Variants in TPO observed in about 807,000 individuals in gnomAD.
The protein encoded by TPO is thyroid peroxidase, also known as thyroid microsomal antigen.
Under a neutral mutation model 96.9 loss-of-function variants are expected in TPO, and 78 were observed. That is an observed-to-expected ratio of 0.81 (90% CI 0.67 to 0.97). TPO has a LOEUF of 0.97. TPO is among the 50% of genes least tolerant of loss of function. TPO has a pLI of 0.00. For synonymous variants in TPO, 547 were observed against 538.0 expected, an observed-to-expected ratio of 1.02 and a Z score of -0.23; for missense variants, 1,252 against 1,274.8, an observed-to-expected ratio of 0.98 and a Z score of 0.27.
intron 8 of TPO, chr2:1,478,089 GA>G: frequency 1.0e-6 from 1 of 985,446 alleles, no homozygotes; most frequent in South Asian, 4.7e-5. Context: ...ACAGTGCAGT[GA>G]ATGAAGAACC....
At chr2:1,387,044 C>T (rs2148351907) in intron 1 of TPO, among the ~76,000 whole-genome samples, 1 of 152,354 alleles carries the variant, frequency 6.6e-6, no homozygotes, top group South Asian at 2.1e-4. Flanking sequence ...TTGGCCCCCA[C>T]TCTCTTCTGG....
chr2:1,455,991 C>A, intron 6 of TPO, 85 bp from the exon 7 acceptor site: 1 of 1,377,340 alleles, frequency 7.3e-7, no homozygotes, highest in Non-Finnish European at 1.0e-6. Context: ...AAGAACCACA[C>A]CAGGAAGTGC....
intron 7 of TPO, among the ~76,000 whole-genome samples, chr2:1,464,009 C>T (rs574820025): frequency 6.6e-6 from 1 of 152,252 alleles, no homozygotes; most frequent in East Asian, 1.9e-4. Context: ...AAGCAGTATA[C>T]ACTGAACACA....
chr2:1,395,939 A>C (rs988841907), intron 1 of TPO, among the ~76,000 whole-genome samples: 4 of 152,364 alleles, frequency 2.6e-5, no homozygotes, highest in Admixed American at 2.0e-4. Flanking sequence ...TGAGTCCATT[A>C]AACCTCTTCC....
rs182587629 is a variant in TPO at position 1,500,574 on chromosome 2, C to T, written c.2387-3374C>T. ...TCTGCGGCTACAGAAAGGAAGGCTA[C>T]GGGCTTAACTGAATATTTGATACAG... On this transcript the variant is annotated intron_variant, in intron 13 of 16. Coordinates refer to ENST00000329066, the MANE Select transcript of TPO (RefSeq NM_001206744.2). Among the ~76,000 whole-genome samples, 216 of 152,294 alleles carry T rather than the reference C, an allele frequency of 1.4e-3. 1 individual carries two copies. Among genetic ancestry groups the T allele is most frequent in the South Asian group, 8.3e-4 (4 of 4,824 alleles).
intron 5 of TPO, chr2:1,439,088 CA>C: frequency 2.1e-6 from 1 of 472,958 alleles, no homozygotes; most frequent in Non-Finnish European, 3.8e-6. Flanking sequence ...TTAACAACCT[CA>C]AGACCAGGGC....
chr2:1,435,669 C>T (rs1294566980), intron 4 of TPO, among the ~76,000 whole-genome samples: 1 of 151,756 alleles, frequency 6.6e-6, no homozygotes, highest in Non-Finnish European at 1.5e-5. Flanking sequence ...CAGAATTAAT[C>T]CAAAAAAAAG....
At chr2:1,438,248 GATTTT>G in intron 5 of TPO, among the ~76,000 whole-genome samples, 1 of 152,192 alleles carries the variant, frequency 6.6e-6, no homozygotes, top group Admixed American at 6.5e-5. Context: ...TCATACTTCT[GATTTT>G]ATTAAAGAAA....
intron 1 of TPO, among the ~76,000 whole-genome samples, chr2:1,383,990 C>A (rs1661849993): frequency 1.3e-5 from 2 of 152,260 alleles, no homozygotes; most frequent in South Asian, 4.2e-4. Flanking sequence ...TTCCCCATTT[C>A]TTGTTTTTGT....
At chr2:1,487,473 G>A (rs1235326267) in intron 9 of TPO, among the ~76,000 whole-genome samples, 3 of 152,174 alleles carry the variant, frequency 2.0e-5, no homozygotes, top group African/African-American at 7.2e-5. Flanking sequence ...GGTGGCTCAC[G>A]CCTGTAATCC....
At chr2:1,375,108 G>A (rs1169802117) in intron 1 of TPO, among the ~76,000 whole-genome samples, 1 of 124,596 alleles carries the variant, frequency 8.0e-6, no homozygotes, top group Non-Finnish European at 1.9e-5. Flanking sequence ...TTTTTTTTAA[G>A]TTTTTAAAAT....
chr2:1,526,037 G>A (rs1212171375), intron 15 of TPO, among the ~76,000 whole-genome samples: 1 of 93,234 alleles, frequency 1.1e-5, no homozygotes, highest in Non-Finnish European at 2.1e-5. Flanking sequence ...CGCCCACTGT[G>A]TGCAACCTCC....
At chr2:1,462,405 A>G (rs1668530082) in intron 7 of TPO, among the ~76,000 whole-genome samples, 2 of 152,156 alleles carry the variant, frequency 1.3e-5, no homozygotes, top group African/African-American at 2.4e-5. Flanking sequence ...TGTTATCTTC[A>G]TTCTATAAAG....
chr2:1,526,274 C>A (rs1232598088), intron 15 of TPO, among the ~76,000 whole-genome samples: 2 of 98,930 alleles, frequency 2.0e-5, no homozygotes, highest in African/African-American at 8.2e-5. Context: ...CCACCCCAGT[C>A]CCCCCACAGT....
chr2:1,537,004 C>G (rs111584594), intron 15 of TPO, among the ~76,000 whole-genome samples: 3,214 of 45,334 alleles, frequency 0.071, 244 homozygotes, highest in East Asian at 0.095. Context: ...AACCTCAAAT[C>G]CCCCCACTGT....
chr2:1,511,255 C>CAAA (rs1558385697), intron 14 of TPO, among the ~76,000 whole-genome samples: 5 of 143,150 alleles, frequency 3.5e-5, no homozygotes, highest in East Asian at 2.1e-4. Context: ...GGTGCCACAG[C>CAAA]GCAGCCCTGC....
At position 1,502,813 on chromosome 2, in the gene TPO, C is replaced by T. The variant is rs116674890; in HGVS notation, c.2387-1135C>T. Among the ~76,000 whole-genome samples the T allele has an allele frequency of 1.9e-3, 293 of 152,366 alleles. 3 individuals are homozygous for T. Among genetic ancestry groups the T allele is most frequent in the Non-Finnish European group, 1.7e-3 (119 of 68,034 alleles). ...GTCATAAGCATCGTCTTTGATTCCA[C>T]GCCCATTTTTCACAGCTGACATAAT... On this transcript the variant is annotated intron_variant, in intron 13 of 16. Coordinates refer to ENST00000329066, the MANE Select transcript of TPO (RefSeq NM_001206744.2).
intron 15 of TPO, among the ~76,000 whole-genome samples, chr2:1,532,701 C>T (rs1243325112): frequency 0.01 from 2 of 198 alleles, no homozygotes; most frequent in African/African-American, 0.045. Context: ...TGCAACCTCC[C>T]CAAATCCCCC....
intron 7 of TPO, among the ~76,000 whole-genome samples, chr2:1,475,233 T>TG (rs1403129960): frequency 6.6e-6 from 1 of 152,158 alleles, no homozygotes; most frequent in East Asian, 1.9e-4. Context: ...CTCCCATTCT[T>TG]GGGGCCTCTG....
Sources: gnomAD v4.1 joint callset for allele counts (sites outside exome capture counted in the v4.1 genomes callset) on GRCh38, gnomAD v4.1.1 for gene constraint, MANE v1.5 for transcripts, NCBI Gene and HGNC (gene_info 2026-07-23, HGNC 2026-07-21) for gene names.